Variants in GRIK1 observed in about 807,000 individuals in gnomAD.
GRIK1 encodes glutamate ionotropic receptor kainate type subunit 1.
In GRIK1, 69 loss-of-function variants were observed where a neutral mutation model predicts 105.7. The ratio of observed to expected loss-of-function variants is 0.65; its 90% CI spans 0.54 to 0.80. The LOEUF is 0.80. GRIK1 is among the 30% of genes least tolerant of loss of function. GRIK1 has a pLI of 0.00. For synonymous variants in GRIK1, 438 were observed against 431.3 expected, an observed-to-expected ratio of 1.02 and a Z score of -0.19; for missense variants, 1,109 against 1,167.3, an observed-to-expected ratio of 0.95 and a Z score of 0.73.
intron 3 of GRIK1, among the ~76,000 whole-genome samples, chr21:29,676,790 T>G (rs112430187): frequency 0.043 from 6,614 of 152,182 alleles, 209 homozygotes; most frequent in Non-Finnish European, 0.067. Flanking sequence ...TCTTTAAAAA[T>G]GTCAATGTCA....
intron 7 of GRIK1, among the ~76,000 whole-genome samples, chr21:29,612,653 G>T (rs529956226): frequency 6.6e-6 from 1 of 152,246 alleles, no homozygotes; most frequent in African/African-American, 2.4e-5. Flanking sequence ...ATCCATGATA[G>T]AATTACTTTG....
At chr21:29,553,966 G>A (rs2090185578) in intron 16 of GRIK1, among the ~76,000 whole-genome samples, 1 of 152,082 alleles carries the variant, frequency 6.6e-6, no homozygotes, top group South Asian at 2.1e-4. Flanking sequence ...TTTGGAAAGG[G>A]GTGTTCATTG....
At chr21:29,891,039 CT>C (rs1486518098) in intron 1 of GRIK1, among the ~76,000 whole-genome samples, 3 of 152,234 alleles carry the variant, frequency 2.0e-5, no homozygotes, top group South Asian at 2.1e-4. Flanking sequence ...GATATAACAT[CT>C]TTTTTTGATA....
intron 1 of GRIK1, among the ~76,000 whole-genome samples, chr21:29,814,113 A>T (rs459065): frequency 0.66 from 90,658 of 138,032 alleles, 31,555 homozygotes; most frequent in Non-Finnish European, 0.78. Context: ...TAATAATAAT[A>T]ATTATTATTT....
chr21:29,669,804 A>C (rs1167491782), intron 4 of GRIK1, among the ~76,000 whole-genome samples: 1 of 152,116 alleles, frequency 6.6e-6, no homozygotes, highest in African/African-American at 2.4e-5. Flanking sequence ...CTTGGGTAGA[A>C]GGATTAGTGG....
chr21:29,728,770 A>G (rs2064533738), intron 1 of GRIK1, among the ~76,000 whole-genome samples: 1 of 152,192 alleles, frequency 6.6e-6, no homozygotes, highest in South Asian at 2.1e-4. Context: ...CTAGCAGAAC[A>G]AGGGAAGATA....
chr21:29,637,573 A>T (rs2062422710), intron 7 of GRIK1, among the ~76,000 whole-genome samples: 1 of 152,244 alleles, frequency 6.6e-6, no homozygotes, highest in African/African-American at 2.4e-5. Flanking sequence ...CCCTTATAAA[A>T]GAGGCCCTTG....
chr21:29,687,939 C>T lies in GRIK1; in HGVS notation c.544+1789G>A, dbSNP rs1192630368. Reference sequence around the variant, plus strand: ...GAAATGGTGAGAGATGATTATACTACAGAGTTCACAACATAATGAGCTATA... The same window carrying T: ...GAAATGGTGAGAGATGATTATACTATAGAGTTCACAACATAATGAGCTATA... On this transcript the variant is annotated intron_variant, in intron 3 of 17. Coordinates refer to ENST00000327783, the MANE Select transcript of GRIK1 (RefSeq NM_001330994.2). Among the ~76,000 whole-genome samples, 11 of 152,206 alleles carry T rather than the reference C, an allele frequency of 7.2e-5. 1 individual carries two copies. Among genetic ancestry groups the T allele is most frequent in the Non-Finnish European group, 1.3e-4 (9 of 68,032 alleles).
chr21:29,795,028 ATTTTTTT>A lies in GRIK1; in HGVS notation c.119-100972_119-100966del, dbSNP rs66697777. On this transcript the variant is annotated intron_variant, in intron 1 of 17. Transcript: ENST00000327783. ...CAAGCTTCCTGATGCTTTGCTCTAA[ATTTTTTT>A]TTTTTTTTTTTTTTTTTTGAGATGG... 3.5e-3 allele frequency among the ~76,000 whole-genome samples: 297 copies of A among 85,224 alleles called. 1 individual carries two copies. The highest frequency in any genetic ancestry group is 0.01 in the Middle Eastern group (1 of 100). 55.9% of individuals were successfully genotyped at this position (85,224 alleles called of 152,430 possible).
intron 9 of GRIK1, among the ~76,000 whole-genome samples, chr21:29,594,380 C>T (rs1205275258): frequency 1.3e-5 from 2 of 152,300 alleles, no homozygotes; most frequent in South Asian, 2.1e-4. Context: ...GATGCCTGGA[C>T]ATTTGACATT....
At position 29,673,034 on chromosome 21, in the gene GRIK1, G is replaced by T. The variant is rs1329714724; in HGVS notation, c.675C>A (p.Phe225Leu). ...LLKEMKKGKE[F>L]YVIFDCSHET... The stretch of plus-strand genomic sequence containing the variant: ...CATGTGAACAATCAAATATCACATA[G>T]AACTCCTTGCCTTTCTTCATCTCCT... Residue 225 changes from phenylalanine (F) to leucine (L), a missense_variant, in exon 4 of 18, where the codon TTC becomes TTA. Physicochemically the swap from Phe to Leu is conservative, Grantham distance 22 (BLOSUM62 0). Around this residue, in one of 5 missense-constraint regions of GRIK1, gnomAD observed 612 missense variants for 586.0 expected, o/e 1.04. Coordinates refer to ENST00000327783, the MANE Select transcript of GRIK1 (RefSeq NM_001330994.2). 1.2e-6 allele frequency: 2 copies of T among 1,613,424 alleles called. No homozygotes were observed. Among genetic ancestry groups the T allele is most frequent in the South Asian group, 2.2e-5 (2 of 91,042 alleles).
intron 7 of GRIK1, among the ~76,000 whole-genome samples, chr21:29,614,851 CATA>C (rs777562519): frequency 1.1e-4 from 16 of 151,552 alleles, no homozygotes; most frequent in Non-Finnish European, 2.4e-4. Context: ...ACTTTGTGCA[CATA>C]ATAATTCACG....
At chr21:29,626,289 G>A (rs979048332) in intron 7 of GRIK1, among the ~76,000 whole-genome samples, 1 of 152,110 alleles carries the variant, frequency 6.6e-6, no homozygotes, top group African/African-American at 2.4e-5. Context: ...ATGGATAACA[G>A]CAGTAATCCA....
intron 1 of GRIK1, among the ~76,000 whole-genome samples, chr21:29,765,973 T>C (rs988533851): frequency 2.0e-5 from 3 of 151,936 alleles, no homozygotes; most frequent in Admixed American, 2.0e-4. Flanking sequence ...TGCCTCAGCC[T>C]CCCGAGTAGC....
chr21:29,811,902 CT>C (rs1315258876), intron 1 of GRIK1, among the ~76,000 whole-genome samples: 1 of 152,140 alleles, frequency 6.6e-6, no homozygotes, highest in Non-Finnish European at 1.5e-5. Context: ...ACCTGGAAAC[CT>C]CTTTTCCTCT....
At position 29,676,202 on chromosome 21, in the gene GRIK1, T is replaced by TCC. The variant is rs570734634; in HGVS notation, c.545-3040_545-3039dup. On this transcript the variant is annotated intron_variant, in intron 3 of 17. Coordinates refer to ENST00000327783, the MANE Select transcript of GRIK1 (RefSeq NM_001330994.2). Reference sequence around the variant, plus strand: ...TTTTACAAAAAGCTTACTGTTAAACTCCTATTTTTCTCCTTTTGCCAGTAT... The same window carrying TCC: ...TTTTACAAAAAGCTTACTGTTAAACTCCCCTATTTTTCTCCTTTTGCCAGTAT... 2.0e-4 allele frequency among the ~76,000 whole-genome samples: 30 copies of TCC among 152,306 alleles called. No individual in the cohort carries two copies. In the South Asian group the frequency reaches 5.6e-3, roughly 28 times the overall value.
intron 3 of GRIK1, among the ~76,000 whole-genome samples, chr21:29,687,015 G>A (rs1384743759): frequency 6.6e-6 from 1 of 152,202 alleles, no homozygotes; most frequent in African/African-American, 2.4e-5. Context: ...CCAGGAAAGA[G>A]AGAGAAGAGA....
chr21:29,589,213 A>G (rs949016357), intron 10 of GRIK1, among the ~76,000 whole-genome samples, 171 bp from the exon 11 acceptor site: 3 of 152,032 alleles, frequency 2.0e-5, no homozygotes, highest in African/African-American at 7.2e-5. Flanking sequence ...AACACTTCCT[A>G]TATTATTGTT....
intron 1 of GRIK1, among the ~76,000 whole-genome samples, chr21:29,712,775 T>C (rs1269525693): frequency 6.6e-6 from 1 of 152,230 alleles, no homozygotes. Context: ...CCAATTACAG[T>C]TGCAGATACT....
Sources: gnomAD v4.1 joint callset for allele counts (sites outside exome capture counted in the v4.1 genomes callset) on GRCh38, gnomAD v4.1.1 for gene constraint, gnomAD v4.1.1 regional missense constraint, MANE v1.5 for transcripts, NCBI Gene and HGNC (gene_info 2026-07-23, HGNC 2026-07-21) for gene names.